The following NSF variants were observed in gnomAD, a reference collection of about 807,000 sequenced individuals.
NSF encodes N-ethylmaleimide sensitive factor, vesicle fusing ATPase, also known as vesicle-fusing ATPase.
Under a neutral mutation model 50.3 loss-of-function variants are expected in NSF, and 14 were observed. That is an observed-to-expected ratio of 0.28 (90% confidence interval 0.18 to 0.44). NSF has a LOEUF of 0.44. NSF is among the 20% of genes least tolerant of loss of function. The pLI is 1.00. For synonymous variants in NSF, 109 were observed against 175.7 expected, an observed-to-expected ratio of 0.62 and a Z score of 3.00; for missense variants, 218 against 504.3, an observed-to-expected ratio of 0.43 and a Z score of 5.44.
intron 14 of NSF, among the ~76,000 whole-genome samples, chr17:46,712,992 A>C (rs1568040873): frequency 6.6e-6 from 1 of 152,188 alleles, no homozygotes; most frequent in East Asian, 1.9e-4. Context: ...GAGCCTGTTC[A>C]GTGTAATGGG....
intron 17 of NSF, among the ~76,000 whole-genome samples, chr17:46,738,647 C>CT (rs1012635436): frequency 6.6e-6 from 1 of 152,132 alleles, no homozygotes; most frequent in African/African-American, 2.4e-5. Flanking sequence ...TGTACCTTTT[C>CT]TTTTTTTAGT....
chr17:46,711,116 G>A lies in NSF; in HGVS notation c.1624G>A (p.Glu542Lys), dbSNP rs757252109. 6.7e-7 allele frequency: 1 copy of A among 1,499,242 alleles called. No homozygotes were observed. Among genetic ancestry groups the A allele is most frequent in the South Asian group, 1.4e-5 (1 of 73,496 alleles). The allele number at this position is 1,499,242 out of a possible 1,614,324, so 92.9% of individuals were successfully genotyped here. A position where few individuals can be genotyped will look rare whatever the true frequency, so the allele number is the denominator to read the frequency against. Residue 542 changes from glutamate to lysine, a missense_variant, in exon 14 of 21, where the codon GAA (glutamate) becomes AAA (lysine). Glu to Lys is a moderately conservative substitution (Grantham distance 56). Transcript: ENST00000398238. ...CACACCATTGGTCAGCGTGCTTCTGGAAGGTGAGAATGAATGAGGAGATGG... is the reference window on the plus strand; with the variant it reads ...CACACCATTGGTCAGCGTGCTTCTGAAAGGTGAGAATGAATGAGGAGATGG... ...DRTPLVSVLLEGPPHSGKTAL... is the reference protein window; with the variant it reads ...DRTPLVSVLLKGPPHSGKTAL...
chr17:46,680,252 A>T (rs1277262855), intron 9 of NSF, among the ~76,000 whole-genome samples: 3 of 151,738 alleles, frequency 2.0e-5, no homozygotes, highest in Non-Finnish European at 4.4e-5. Context: ...AGCAATAGTA[A>T]TTGAAACAAT....
intron 14 of NSF, among the ~76,000 whole-genome samples, chr17:46,712,356 G>A (rs985870619): frequency 1.3e-5 from 2 of 152,184 alleles, no homozygotes; most frequent in African/African-American, 4.8e-5. Context: ...AAGGGTAGAT[G>A]CTGCTGTTGT....
At chr17:46,740,694 T>C (rs1840131799) in intron 17 of NSF, among the ~76,000 whole-genome samples, 1 of 151,230 alleles carries the variant, frequency 6.6e-6, no homozygotes, top group Non-Finnish European at 1.5e-5. Context: ...CAAGTTTTGC[T>C]CTTGTTGCCT....
Position 46,734,569 on chromosome 17 carries a change from G to A in NSF, c.1908+5635G>A, listed in dbSNP as rs117545992. On this transcript the variant is annotated intron_variant, in intron 17 of 20. Transcript: ENST00000398238. ...TGTGTGTATATATACATATCTCTGA[G>A]GACAAAGGAAATTTCCAGAGATCTG... Among the ~76,000 whole-genome samples, 381 of 152,156 alleles carry A rather than the reference G, an allele frequency of 2.5e-3. 2 individuals carry two copies. The highest frequency in any genetic ancestry group is 0.013 in the East Asian group (68 of 5,182).
In NSF at chr17:46,751,405, G is replaced by A. The variant is rs1328293760; in HGVS notation, c.2044-98G>A. On this transcript the variant is annotated intron_variant, in intron 18 of 20. Coordinates refer to ENST00000398238, the MANE Select transcript of NSF (RefSeq NM_006178.4). ...GAATTCTATCAACTTGAACAGTTAG[G>A]TAGTTCTTATCACTCTTCTTTTAAA... The A allele has an allele frequency of 7.3e-6, 6 of 826,076 alleles. No individual in the cohort carries two copies. The African/African-American group carries it at 8.4e-5, about 12-fold the overall frequency. The allele number at this position is 826,076 out of a possible 1,614,324, so 51.2% of individuals were successfully genotyped here. A position where few individuals can be genotyped will look rare whatever the true frequency, so the allele number is the denominator to read the frequency against.
In NSF at chr17:46,747,378, T is replaced by C. The variant is rs569528742; in HGVS notation, c.1909-2395T>C. Among the ~76,000 whole-genome samples the C allele has an allele frequency of 5.3e-5, 8 of 152,232 alleles. No individual in the cohort carries two copies. The South Asian group carries it at 1.7e-3, about 32-fold the overall frequency. Reference sequence around the variant, plus strand: ...TCACTCCAGCCTCAAACTCCTTGGCTCAAGCGATCTGCTCACCTCAGGCTC... The same window carrying C: ...TCACTCCAGCCTCAAACTCCTTGGCCCAAGCGATCTGCTCACCTCAGGCTC... On this transcript the variant is annotated intron_variant, in intron 17 of 20. Transcript: ENST00000398238.
At chr17:46,603,801 C>T (rs1449951514) in intron 1 of NSF, among the ~76,000 whole-genome samples, 1 of 35,026 alleles carries the variant, frequency 2.9e-5, no homozygotes, top group African/African-American at 1.1e-4. Flanking sequence ...TGGGCTCAAG[C>T]GATCCTCCCA....
chr17:46,734,988 C>T (rs1324837914), intron 17 of NSF, among the ~76,000 whole-genome samples: 4 of 152,140 alleles, frequency 2.6e-5, no homozygotes, highest in Admixed American at 2.6e-4. Flanking sequence ...GAGTTCAAGA[C>T]CGCAGGAAGC....
At chr17:46,736,523 T>C (rs1051311287) in intron 17 of NSF, among the ~76,000 whole-genome samples, 4 of 152,234 alleles carry the variant, frequency 2.6e-5, no homozygotes, top group African/African-American at 9.6e-5. Context: ...TCTTGGATGG[T>C]AGGATTATAG....
At position 46,711,073 on chromosome 17, in the gene NSF, G is replaced by T; in HGVS notation, c.1581G>T (p.Gln527His). The change falls in exon 14 of 21, where the codon CAG (glutamine) becomes CAT (histidine). Residue 527 changes from glutamine (Q) to histidine (H), a missense_variant. Physicochemically the swap from Gln to His is conservative, Grantham distance 24. Transcript: ENST00000398238. ...ATGATGGGGAGCTGCTGGTGCAGCAGACTAAGAACAGTGACCGCACACCAT... is the reference window on the plus strand; with the variant it reads ...ATGATGGGGAGCTGCTGGTGCAGCATACTAAGAACAGTGACCGCACACCAT... ...VLDDGELLVQ[Q>H]TKNSDRTPLV... is the part of the protein sequence containing the mutation. 6.3e-7 allele frequency: 1 copy of T among 1,581,128 alleles called. No individual in the cohort carries two copies. Among genetic ancestry groups the T allele is most frequent in the Non-Finnish European group, 8.6e-7 (1 of 1,168,218 alleles).
intron 1 of NSF, among the ~76,000 whole-genome samples, chr17:46,603,503 TA>T (rs2057934337): frequency 8.4e-6 from 1 of 118,384 alleles, no homozygotes; most frequent in African/African-American, 3.2e-5. Flanking sequence ...TTGTTGAAGA[TA>T]TTTTTTCCAG....
chr17:46,709,776 T>C (rs1475762917), intron 13 of NSF, among the ~76,000 whole-genome samples: 1 of 152,178 alleles, frequency 6.6e-6, no homozygotes, highest in Non-Finnish European at 1.5e-5. Context: ...ATTATAGGCT[T>C]GAGTCACTGC....
chr17:46,730,417 A>T (rs901211143), intron 17 of NSF, among the ~76,000 whole-genome samples: 3 of 152,162 alleles, frequency 2.0e-5, no homozygotes, highest in African/African-American at 7.2e-5. Flanking sequence ...AATACTATAC[A>T]CATTGATTTA....
chr17:46,685,115 C>T (rs1481452238), intron 9 of NSF, among the ~76,000 whole-genome samples: 3 of 135,610 alleles, frequency 2.2e-5, no homozygotes, highest in Non-Finnish European at 4.7e-5. Context: ...TTGGGTCTAA[C>T]GGACCCTAAT....
rs1047950016 is a variant in NSF at position 46,744,881 on chromosome 17, T to C, written c.1909-4892T>C. Among the ~76,000 whole-genome samples the C allele has an allele frequency of 5.3e-5, 8 of 152,236 alleles. No individual in the cohort carries two copies. In the South Asian group the frequency reaches 1.7e-3, roughly 32 times the overall value. On this transcript the variant is annotated intron_variant, in intron 17 of 20. Transcript: ENST00000398238. ...GCTGCTTATGGTACTAAGAATTAGTTAACTAATACTTATTTAACCTTGGAA... is the reference window on the plus strand; with the variant it reads ...GCTGCTTATGGTACTAAGAATTAGTCAACTAATACTTATTTAACCTTGGAA...
At chr17:46,690,700 G>T (rs1222551472) in intron 9 of NSF, among the ~76,000 whole-genome samples, 1 of 95,292 alleles carries the variant, frequency 1.0e-5, no homozygotes, top group African/African-American at 4.2e-5. Flanking sequence ...AGGATGCAAG[G>T]TATTACATAG....
chr17:46,741,408 T>TC (rs1358717948), intron 17 of NSF, among the ~76,000 whole-genome samples: 4 of 152,110 alleles, frequency 2.6e-5, no homozygotes, highest in East Asian at 1.9e-4. Context: ...TATCATGAAT[T>TC]CCCCCCCTTA....
Sources: allele counts gnomAD v4.1 joint callset (sites outside exome capture counted in the v4.1 genomes callset), GRCh38; gene constraint gnomAD v4.1.1; transcripts MANE v1.5; gene names NCBI Gene and HGNC (gene_info 2026-07-23, HGNC 2026-07-21).